Variants in UMPS observed in about 807,000 individuals in gnomAD.
UMPS encodes the protein uridine monophosphate synthetase, also known as uridine 5'-monophosphate synthase.
In UMPS, 21 loss-of-function variants were observed where a neutral mutation model predicts 38.9. The observed-to-expected ratio is 0.54, with a 90% confidence interval of 0.38 to 0.78. The LOEUF (loss-of-function observed/expected upper bound fraction) is 0.78. Among genes scored for constraint, UMPS ranks in the 30% least tolerant of loss-of-function variants. The probability of loss-of-function intolerance (pLI) is 0.00; values close to 1 mark genes in which losing one functional copy is unlikely to be tolerated. For synonymous variants in UMPS, 208 were observed against 219.3 expected (o/e 0.95, Z 0.45); for missense variants, 533 against 591.6 (o/e 0.90, Z 1.03).
intron 2 of UMPS, among the ~76,000 whole-genome samples, chr3:124,736,115 TAAAA>T (rs1351277667): frequency 6.6e-6 from 1 of 151,718 alleles, no homozygotes; most frequent in African/African-American, 2.4e-5. Flanking sequence ...TCTACAAAAA[TAAAA>T]AAAGAATACA....
In UMPS at chr3:124,748,928, ACAGT is replaced by A. The variant is rs769132758; in HGVS notation, c.*4849_*4852del. The stretch of plus-strand genomic sequence containing the variant: ...TGAGAGTCTCAATCGTCAGGTAAGG[ACAGT>A]CAGTGGGAAGTGGACGGGCCGCACA... On this transcript the variant is annotated 3_prime_UTR_variant, in exon 6 of 6. Transcript: ENST00000232607. 2.2e-6 allele frequency: 1 copy of A among 451,692 alleles called. No homozygotes were observed. The highest frequency in any genetic ancestry group is 1.6e-5 in the South Asian group (1 of 64,244). 28.0% of individuals were successfully genotyped at this position (451,692 alleles called of 1,614,324 possible).
chr3:124,743,884 T>G, intron 5 of UMPS, 31 bp from the exon 6 acceptor site: 1 of 1,610,200 alleles, frequency 6.2e-7, no homozygotes, highest in Non-Finnish European at 8.5e-7. Context: ...TTTTGTATTA[T>G]GTGAAACAAC....
chr3:124,747,497 C>T lies in UMPS; in HGVS notation c.*3413C>T. 2.2e-6 allele frequency: 1 copy of T among 454,160 alleles called. No individual in the cohort carries two copies. The highest frequency in any genetic ancestry group is 1.6e-5 in the South Asian group (1 of 64,476). The allele number at this position is 454,160 out of a possible 1,614,324, so 28.1% of individuals were successfully genotyped here. A position where few individuals can be genotyped will look rare whatever the true frequency, so the allele number is the denominator to read the frequency against. On this transcript the variant is annotated 3_prime_UTR_variant, in exon 6 of 6. Transcript: ENST00000232607. ...CACCCCTCTCTGGCTTCTGCCACCA[C>T]ATGGGAAGAATATGCCCTGGTTAGC...
intron 2 of UMPS, 119 bp downstream of exon 2, chr3:124,735,365 C>T (rs530132659): frequency 2.2e-5 from 20 of 928,676 alleles, no homozygotes; most frequent in Non-Finnish European, 3.1e-5. Context: ...TAAGTTGTTA[C>T]TGCTTGTAGA....
Position 124,747,142 on chromosome 3 carries a change from A to G in UMPS, c.*3058A>G. ...GAACTACTCTCAAGTAGCTCTCAAGAGCCTCTCGAGTGGCTGGAACTACAG... is the reference window on the plus strand; with the variant it reads ...GAACTACTCTCAAGTAGCTCTCAAGGGCCTCTCGAGTGGCTGGAACTACAG... On this transcript the variant is annotated 3_prime_UTR_variant, in exon 6 of 6. Transcript: ENST00000232607. The G allele has an allele frequency of 2.2e-6, 1 of 454,006 alleles. No homozygotes were observed. The highest frequency in any genetic ancestry group is 1.6e-5 in the South Asian group (1 of 64,464). 28.1% of individuals were successfully genotyped at this position (454,006 alleles called of 1,614,324 possible). A position where few individuals can be genotyped will look rare whatever the true frequency, so the allele number is the denominator to read the frequency against.
At chr3:124,742,354 T>C (rs952706797) in intron 5 of UMPS, 88 bp downstream of exon 5, 2 of 973,102 alleles carry the variant, frequency 2.1e-6, no homozygotes, top group Non-Finnish European at 1.7e-6. Flanking sequence ...ATTATACACT[T>C]GCTTAAGAAA....
At chr3:124,743,637 C>CAAAA (rs1439108152) in intron 5 of UMPS, among the ~76,000 whole-genome samples, 5 of 143,302 alleles carry the variant, frequency 3.5e-5, no homozygotes, top group Non-Finnish European at 6.1e-5. Flanking sequence ...GACTCCGTCT[C>CAAAA]AAAAAAATAA....
chr3:124,732,510 A>G (rs540466159), intron 1 of UMPS: 2 of 154,946 alleles, frequency 1.3e-5, no homozygotes, highest in East Asian at 1.9e-4. Context: ...ATTTCTAACA[A>G]AGTGCCAGCT....
At position 124,745,135 on chromosome 3, in the gene UMPS, G is replaced by T. The variant is rs2242248; in HGVS notation, c.*1051G>T. ...AAGGATCCCACATAATTGTCCCAAC[G>T]GTCATTAGTAGAGGGGAGGTAAGCC... On this transcript the variant is annotated 3_prime_UTR_variant, in exon 6 of 6. Transcript: ENST00000232607. 0.19 allele frequency: 84,267 copies of T among 453,904 alleles called. 8,649 individuals are homozygous for T. Among genetic ancestry groups the T allele is most frequent in the Admixed American group, 0.29 (12,435 of 42,558 alleles). The allele number at this position is 453,904 out of a possible 1,614,324, so 28.1% of individuals were successfully genotyped here. A position where few individuals can be genotyped will look rare whatever the true frequency, so the allele number is the denominator to read the frequency against.
At position 124,749,257 on chromosome 3, in the gene UMPS, T is replaced by G. The variant is rs1183005846; in HGVS notation, c.*5173T>G. 1 of 449,940 alleles carries G rather than the reference T, an allele frequency of 2.2e-6. No individual in the cohort carries two copies. The highest frequency in any genetic ancestry group is 1.6e-5 in the South Asian group (1 of 63,678). The allele number at this position is 449,940 out of a possible 1,614,324, so 27.9% of individuals were successfully genotyped here. On this transcript the variant is annotated 3_prime_UTR_variant, in exon 6 of 6. Transcript: ENST00000232607. ...ATGGGTTCTTTTCAACCTGAATAGA[T>G]GGCCTAAAAATTCAAACTTGCCTCA...
At chr3:124,733,252 A>C (rs2063493392) in intron 1 of UMPS, among the ~76,000 whole-genome samples, 1 of 152,200 alleles carries the variant, frequency 6.6e-6, no homozygotes, top group African/African-American at 2.4e-5. Context: ...CATTTTCCAA[A>C]TCTGTTTTTA....
In UMPS at chr3:124,749,219, T is replaced by C. The variant is rs770621824; in HGVS notation, c.*5135T>C. 8.8e-6 allele frequency: 4 copies of C among 453,658 alleles called. No individual in the cohort carries two copies. Among genetic ancestry groups the C allele is most frequent in the African/African-American group, 6.0e-5 (3 of 49,926 alleles). The allele number at this position is 453,658 out of a possible 1,614,324, so 28.1% of individuals were successfully genotyped here. A position where few individuals can be genotyped will look rare whatever the true frequency, so the allele number is the denominator to read the frequency against. On this transcript the variant is annotated 3_prime_UTR_variant, in exon 6 of 6. Coordinates refer to ENST00000232607, the MANE Select transcript of UMPS (RefSeq NM_000373.4). Reference sequence around the variant, plus strand: ...AGATGATGTTGAGTTAAAAAAAATATATACATAAAAATATGGGTTCTTTTC... The same window carrying C: ...AGATGATGTTGAGTTAAAAAAAATACATACATAAAAATATGGGTTCTTTTC...
intron 2 of UMPS, 87 bp downstream of exon 2, chr3:124,735,333 T>G: frequency 8.1e-7 from 1 of 1,240,194 alleles, no homozygotes; most frequent in Admixed American, 2.0e-5. Flanking sequence ...CACTAATGTT[T>G]TACCAGTCAT....
At chr3:124,732,785 G>A (rs1220787021) in intron 1 of UMPS, among the ~76,000 whole-genome samples, 1 of 152,152 alleles carries the variant, frequency 6.6e-6, no homozygotes. Flanking sequence ...AAAAAGTATT[G>A]AAGATAGGTT....
chr3:124,732,811 C>T (rs2063489477), intron 1 of UMPS, among the ~76,000 whole-genome samples: 1 of 152,084 alleles, frequency 6.6e-6, no homozygotes, highest in Admixed American at 6.6e-5. Context: ...ATTAAGGTTG[C>T]GGTACTTTGG....
At chr3:124,738,476 A>G (rs564942962) in intron 3 of UMPS, 22 of 505,336 alleles carry the variant, frequency 4.4e-5, no homozygotes, top group Admixed American at 1.6e-4. Flanking sequence ...CCCCAAACCA[A>G]TCACTCTAGC....
chr3:124,731,400 C>T (rs921565062), intron 1 of UMPS: 3 of 282,714 alleles, frequency 1.1e-5, no homozygotes, highest in South Asian at 3.4e-5. Context: ...TTGTCCCTGA[C>T]TAGCTGCCTC....
chr3:124,734,123 A>AT (rs1432082976), intron 1 of UMPS, among the ~76,000 whole-genome samples: 1 of 152,220 alleles, frequency 6.6e-6, no homozygotes, highest in Non-Finnish European at 1.5e-5. Flanking sequence ...ATATGTTAAT[A>AT]TTTTTAGTAC....
rs764411795 is a variant in UMPS at position 124,737,685 on chromosome 3, G to A, written c.428G>A (p.Gly143Asp). Residue 143 changes from glycine (G) to aspartate (D), a missense_variant, in exon 3 of 6, where the codon GGC (glycine) becomes GAC (aspartate). Transcript: ENST00000232607. The part of the protein sequence containing the change: ...LETVEVLQKE[G>D]LKVTDAIVLL... ...ACTGTTGAGGTTCTTCAGAAGGAGG[G>A]CTTGAAGGTCACTGATGCCATAGTG... is the stretch of plus-strand genomic sequence containing the variant. 3 of 1,614,066 alleles carry A rather than the reference G, an allele frequency of 1.9e-6. No homozygotes were observed. The highest frequency in any genetic ancestry group is 2.5e-6 in the Non-Finnish European group (3 of 1,180,040).
Sources: allele counts gnomAD v4.1 joint callset (sites outside exome capture counted in the v4.1 genomes callset), GRCh38; gene constraint gnomAD v4.1.1; transcripts MANE v1.5; gene names NCBI Gene and HGNC (gene_info 2026-07-23, HGNC 2026-07-21).